Variants in CLOCK observed in about 807,000 individuals in gnomAD.
CLOCK encodes the protein circadian locomoter output cycles protein kaput.
A neutral mutation model predicts 118.4 loss-of-function variants in CLOCK; 43 were observed. The observed-to-expected ratio is 0.36, with a 90% CI of 0.28 to 0.47. The LOEUF (loss-of-function observed/expected upper bound fraction) is 0.47. Ranked by LOEUF, CLOCK falls within the 20% of genes least tolerant of loss-of-function variation. The pLI is 1.00. For synonymous variants in CLOCK, 326 were observed against 339.2 expected (o/e 0.96, Z 0.43); for missense variants, 846 against 999.9 (o/e 0.85, Z 2.08).
chr4:55,503,981 A>G (rs1418553103), intron 2 of CLOCK, among the ~76,000 whole-genome samples: 2 of 132,042 alleles, frequency 1.5e-5, no homozygotes, highest in Non-Finnish European at 3.3e-5. Flanking sequence ...AAAGAGGTAA[A>G]AAAAAAAAAA....
At chr4:55,529,561 C>A (rs1304962554) in intron 1 of CLOCK, among the ~76,000 whole-genome samples, 2 of 152,136 alleles carry the variant, frequency 1.3e-5, no homozygotes, top group African/African-American at 4.8e-5. Flanking sequence ...TCTCAAAGGA[C>A]TACTGAAGAT....
intron 1 of CLOCK, among the ~76,000 whole-genome samples, chr4:55,514,547 T>C (rs552619495): frequency 6.6e-6 from 1 of 151,986 alleles, no homozygotes; most frequent in African/African-American, 2.4e-5. Flanking sequence ...TAGATGTTCT[T>C]TCTCAAGTTG....
intron 7 of CLOCK, among the ~76,000 whole-genome samples, chr4:55,475,560 G>C (rs1001846794): frequency 1.3e-5 from 2 of 152,094 alleles, no homozygotes; most frequent in Admixed American, 6.6e-5. Context: ...GAATCAGTGT[G>C]GCAAACTTCA....
At position 55,438,335 on chromosome 4, in the gene CLOCK, C is replaced by T. The variant is rs748704054; in HGVS notation, c.2308G>A (p.Val770Ile). Reference protein sequence around the residue: ...QSSQEQQLTSVQQPSQAQLTQ... With the variant: ...QSSQEQQLTSIQQPSQAQLTQ... ...AGCTGAGCCTGAGATGGTTGCTGAA[C>T]TGAAGTGAGCTGCTGCTCCTGGGAG... Residue 770 changes from valine to isoleucine, a missense_variant, in exon 22 of 23, where the codon GTT becomes ATT. Physicochemically the swap from Val to Ile is conservative, Grantham distance 29. This residue lies in a region of CLOCK where 520 missense variants were observed against 558.0 expected (regional missense o/e 0.93). Transcript: ENST00000513440. The T allele has an allele frequency of 3.1e-6, 5 of 1,614,054 alleles. No individual in the cohort carries two copies. Among genetic ancestry groups the T allele is most frequent in the Non-Finnish European group, 4.2e-6 (5 of 1,180,006 alleles).
At position 55,434,836 on chromosome 4, in the gene CLOCK, CCTTTT is replaced by C. The variant is rs756970365; in HGVS notation, c.*574_*578del. ...GCATACAAAATGTTTTGCTTTCTCT[CCTTTT>C]ATCTAGACATATACATATTTTTACA... On this transcript the variant is annotated 3_prime_UTR_variant, in exon 23 of 23. Coordinates refer to ENST00000513440, the MANE Select transcript of CLOCK (RefSeq NM_004898.4). 9.5e-5 allele frequency: 15 copies of C among 157,470 alleles called. No individual in the cohort carries two copies. Among genetic ancestry groups the C allele is most frequent in the Non-Finnish European group, 1.1e-4 (8 of 70,816 alleles). 9.8% of individuals were successfully genotyped at this position (157,470 alleles called of 1,614,324 possible).
chr4:55,453,879 T>C (rs1432619825), intron 13 of CLOCK, 55 bp from the exon 14 acceptor site: 2 of 1,322,418 alleles, frequency 1.5e-6, no homozygotes, highest in Admixed American at 4.3e-5. Context: ...ATAAAGATTG[T>C]TTTTTAACCA....
intron 18 of CLOCK, among the ~76,000 whole-genome samples, chr4:55,448,368 G>A (rs930762248): frequency 8.5e-5 from 13 of 152,238 alleles, no homozygotes; most frequent in South Asian, 4.1e-4. Flanking sequence ...TATGTCTACA[G>A]TGTTCCTCAA....
Position 55,434,037 on chromosome 4 carries a change from T to C in CLOCK, c.*1378A>G, listed in dbSNP as rs1722694758. ...TTATCATCTTTTATTTCTAAATTATTTGTACCTCCAGTCCAAGAGACTGAT... is the reference window on the plus strand; with the variant it reads ...TTATCATCTTTTATTTCTAAATTATCTGTACCTCCAGTCCAAGAGACTGAT... On this transcript the variant is annotated 3_prime_UTR_variant, in exon 23 of 23. Coordinates refer to ENST00000513440, the MANE Select transcript of CLOCK (RefSeq NM_004898.4). 1 of 152,642 alleles carries C rather than the reference T, an allele frequency of 6.6e-6. No individual in the cohort carries two copies. The highest frequency in any genetic ancestry group is 2.1e-4 in the South Asian group (1 of 4,836). The allele number at this position is 152,642 out of a possible 1,614,324, so 9.5% of individuals were successfully genotyped here.
chr4:55,544,670 T>C (rs760695609), intron 1 of CLOCK, among the ~76,000 whole-genome samples: 2 of 152,130 alleles, frequency 1.3e-5, no homozygotes, highest in Non-Finnish European at 2.9e-5. Context: ...ATCACACAAA[T>C]TATTTGGGGG....
intron 8 of CLOCK, among the ~76,000 whole-genome samples, chr4:55,468,079 CACTT>C (rs1166202629): frequency 1.3e-5 from 2 of 152,106 alleles, no homozygotes; most frequent in Admixed American, 1.3e-4. Context: ...TTGAAAGAGA[CACTT>C]ACAAGCAGAA....
chr4:55,445,885 C>G (rs1723800302), intron 18 of CLOCK, among the ~76,000 whole-genome samples: 1 of 152,014 alleles, frequency 6.6e-6, no homozygotes, highest in African/African-American at 2.4e-5. Context: ...CATGAGCCAC[C>G]ACACCCAGCT....
intron 2 of CLOCK, among the ~76,000 whole-genome samples, chr4:55,503,382 A>C (rs978756432): frequency 2.6e-5 from 4 of 152,248 alleles, no homozygotes; most frequent in Non-Finnish European, 4.4e-5. Flanking sequence ...GGCTAGGCAC[A>C]GAATTCAAAA....
chr4:55,438,526 C>T lies in CLOCK; in HGVS notation c.2117G>A (p.Gly706Asp). ...CACTAATTTGGTCACAAGTTGTTGA[C>T]CTTGAGAAAATCTGTTAGAAGAAAG... Reference protein sequence around the residue: ...TQDRQIRFSQGQQLVTKLVTA... With the variant: ...TQDRQIRFSQDQQLVTKLVTA... Residue 706 changes from glycine (G) to aspartate (D), a missense_variant, in exon 22 of 23, where the codon GGT (glycine) becomes GAT (aspartate). Transcript: ENST00000513440. 6.2e-7 allele frequency: 1 copy of T among 1,613,402 alleles called. No homozygotes were observed. The highest frequency in any genetic ancestry group is 8.5e-7 in the Non-Finnish European group (1 of 1,179,980).
rs201733603 is a variant in CLOCK, at chr4:55,514,233, C to T, written c.-289-4168G>A. On this transcript the variant is annotated intron_variant, in intron 1 of 22. Transcript: ENST00000513440. Reference sequence around the variant, plus strand: ...TCTAGATTCTCACCATTACATAAAACGTTAGCTATAGTTTTATTCTCACAT... The same window carrying T: ...TCTAGATTCTCACCATTACATAAAATGTTAGCTATAGTTTTATTCTCACAT... 2.0e-4 allele frequency among the ~76,000 whole-genome samples: 30 copies of T among 152,222 alleles called. No homozygotes were observed. The East Asian group carries it at 4.8e-3, about 24-fold the overall frequency.
chr4:55,446,339 A>T (rs1319167864), intron 18 of CLOCK, among the ~76,000 whole-genome samples: 2 of 151,800 alleles, frequency 1.3e-5, no homozygotes, highest in African/African-American at 4.8e-5. Context: ...TCCTCCCACA[A>T]GCCACCATGC....
intron 1 of CLOCK, among the ~76,000 whole-genome samples, chr4:55,516,196 T>C (rs930401964): frequency 2.0e-5 from 3 of 152,238 alleles, no homozygotes; most frequent in Admixed American, 6.5e-5. Flanking sequence ...AAGTAGTCTA[T>C]AGATGTCAAT....
At chr4:55,449,273 A>AT in intron 17 of CLOCK, 123 bp downstream of exon 17, 1 of 852,812 alleles carries the variant, frequency 1.2e-6, no homozygotes. Context: ...TAAGTGTCAC[A>AT]TATCAGTAAC....
chr4:55,492,355 G>GATA (rs1727760472), intron 2 of CLOCK, among the ~76,000 whole-genome samples: 1 of 59,040 alleles, frequency 1.7e-5, no homozygotes, highest in Non-Finnish European at 3.7e-5. Context: ...ACCTATTCAT[G>GATA]ATAAAAAAAA....
intron 1 of CLOCK, among the ~76,000 whole-genome samples, chr4:55,543,713 G>A (rs909473324): frequency 2.6e-5 from 4 of 152,060 alleles, no homozygotes; most frequent in Admixed American, 1.3e-4. Context: ...GGGAGCCGGA[G>A]GTTGCAGTGA....
Sources: gnomAD v4.1 joint callset for allele counts (sites outside exome capture counted in the v4.1 genomes callset) on GRCh38, gnomAD v4.1.1 for gene constraint, gnomAD v4.1.1 regional missense constraint, MANE v1.5 for transcripts, NCBI Gene and HGNC (gene_info 2026-07-23, HGNC 2026-07-21) for gene names.